PTPRD: variants seen among roughly 807,000 people sequenced by gnomAD.
PTPRD encodes receptor-type tyrosine-protein phosphatase delta.
PTPRD carries 34 observed loss-of-function variants against 214.5 expected under a neutral mutation model. The observed-to-expected ratio is 0.16, with a 90% CI of 0.12 to 0.21. The LOEUF (loss-of-function observed/expected upper bound fraction) is 0.21. Among genes scored for constraint, PTPRD ranks in the 10% least tolerant of loss-of-function variants. The pLI, the probability that PTPRD is intolerant of heterozygous loss-of-function variation, is 1.00. For synonymous variants in PTPRD, 1,128 were observed against 845.7 expected (o/e 1.33, Z -5.79); for missense variants, 2,545 against 2,398.7 (o/e 1.06, Z -1.27).
intron 10 of PTPRD, among the ~76,000 whole-genome samples, chr9:9,100,978 G>C (rs1395763628): frequency 6.6e-6 from 1 of 151,308 alleles, no homozygotes; most frequent in Non-Finnish European, 1.5e-5. Context: ...TGTGAAAGCA[G>C]ATTTATTTTG....
At chr9:9,224,564 G>A (rs1283244828) in intron 9 of PTPRD, among the ~76,000 whole-genome samples, 4 of 151,786 alleles carry the variant, frequency 2.6e-5, no homozygotes. Context: ...GTGAAAATTG[G>A]AAAATTTAAA....
At chr9:8,515,380 T>G (rs1376240336) in intron 21 of PTPRD, among the ~76,000 whole-genome samples, 1 of 152,200 alleles carries the variant, frequency 6.6e-6, no homozygotes, top group Admixed American at 6.5e-5. Context: ...GTTTTACATA[T>G]TAAGTTACAA....
chr9:8,863,636 A>G (rs1410104488), intron 11 of PTPRD, among the ~76,000 whole-genome samples: 11 of 152,184 alleles, frequency 7.2e-5, no homozygotes, highest in Non-Finnish European at 1.5e-4. Flanking sequence ...TATTTAGTAT[A>G]AACATTTTGA....
intron 5 of PTPRD, among the ~76,000 whole-genome samples, chr9:9,775,954 CAAAAAA>C (rs59412193): frequency 6.9e-5 from 2 of 28,924 alleles, no homozygotes; most frequent in African/African-American, 2.9e-4. Flanking sequence ...GACTCTGTCT[CAAAAAA>C]AAAAAAAAAA....
chr9:9,257,350 A>G (rs1038143309), intron 9 of PTPRD, among the ~76,000 whole-genome samples: 1 of 151,978 alleles, frequency 6.6e-6, no homozygotes, highest in Non-Finnish European at 1.5e-5. Flanking sequence ...GTAGTTTCAT[A>G]AACTATATGA....
intron 5 of PTPRD, among the ~76,000 whole-genome samples, chr9:9,916,192 T>A (rs2080747916): frequency 6.6e-6 from 1 of 151,816 alleles, no homozygotes; most frequent in Admixed American, 6.6e-5. Context: ...CTAAGGGAAC[T>A]CATTACTACT....
intron 9 of PTPRD, among the ~76,000 whole-genome samples, chr9:9,253,051 G>T (rs905580624): frequency 6.6e-6 from 1 of 152,046 alleles, no homozygotes; most frequent in African/African-American, 2.4e-5. Context: ...TAGAATAATT[G>T]TGAAATTTTA....
intron 7 of PTPRD, among the ~76,000 whole-genome samples, chr9:9,595,634 G>T (rs935030557): frequency 6.6e-6 from 1 of 151,544 alleles, no homozygotes; most frequent in African/African-American, 2.4e-5. Context: ...TGAATTAATG[G>T]CCTTTGCCGC....
At chr9:10,281,930 G>C (rs561171446) in intron 3 of PTPRD, among the ~76,000 whole-genome samples, 1 of 151,350 alleles carries the variant, frequency 6.6e-6, no homozygotes, top group Admixed American at 6.6e-5. Context: ...AAATTCCTGA[G>C]CTTATCTTTC....
intron 11 of PTPRD, among the ~76,000 whole-genome samples, chr9:8,833,070 T>C (rs1236016011): frequency 6.6e-6 from 1 of 152,128 alleles, no homozygotes; most frequent in African/African-American, 2.4e-5. Context: ...CCCAGAAATC[T>C]TAATAACAGC....
At chr9:8,651,466 T>A (rs72700318) in intron 12 of PTPRD, among the ~76,000 whole-genome samples, 14,044 of 152,210 alleles carry the variant, frequency 0.092, 792 homozygotes, top group South Asian at 0.12. Context: ...TAGGGTACGA[T>A]TCCTTGGTTT....
chr9:10,388,558 T>C (rs1586923892), intron 2 of PTPRD, among the ~76,000 whole-genome samples: 1 of 151,284 alleles, frequency 6.6e-6, no homozygotes, highest in East Asian at 2.0e-4. Flanking sequence ...CATTTTGAAG[T>C]AATTTATATT....
chr9:9,082,941 A>G (rs967224762), intron 10 of PTPRD, among the ~76,000 whole-genome samples: 5 of 152,226 alleles, frequency 3.3e-5, no homozygotes, highest in Admixed American at 2.6e-4. Flanking sequence ...GCTCATGGAT[A>G]GGAAGAATCA....
chr9:8,812,434 T>G (rs151243934), intron 11 of PTPRD, among the ~76,000 whole-genome samples: 3 of 152,210 alleles, frequency 2.0e-5, no homozygotes, highest in Non-Finnish European at 1.5e-5. Context: ...AAGAATCCCC[T>G]GCTTTGGTAA....
chr9:10,574,602 G>A (rs569609733), intron 2 of PTPRD, among the ~76,000 whole-genome samples: 2 of 151,876 alleles, frequency 1.3e-5, no homozygotes, highest in Non-Finnish European at 2.9e-5. Flanking sequence ...TACATTTGTG[G>A]GTTAATGTTC....
chr9:8,720,168 G>A (rs1157183296), intron 12 of PTPRD, among the ~76,000 whole-genome samples: 1 of 152,208 alleles, frequency 6.6e-6, no homozygotes, highest in Non-Finnish European at 1.5e-5. Flanking sequence ...GACTCTGGCT[G>A]GAATGCCAAG....
intron 9 of PTPRD, among the ~76,000 whole-genome samples, chr9:9,320,581 A>C (rs530048916): frequency 6.6e-6 from 1 of 152,068 alleles, no homozygotes; most frequent in African/African-American, 2.4e-5. Context: ...TCTGAGGAAA[A>C]CTACCCTTCC....
chr9:9,458,139 T>C (rs1045475316), intron 8 of PTPRD, among the ~76,000 whole-genome samples: 1 of 152,022 alleles, frequency 6.6e-6, no homozygotes, highest in Non-Finnish European at 1.5e-5. Flanking sequence ...ATACAATGTT[T>C]TCAGAGCATA....
In PTPRD at chr9:8,316,225, T is replaced by A. The variant is rs1311181888; in HGVS notation, c.*1649A>T. On this transcript the variant is annotated 3_prime_UTR_variant, in exon 46 of 46. Coordinates refer to ENST00000381196, the MANE Select transcript of PTPRD (RefSeq NM_002839.4). ...TAGGAATGCATATTATTCAAAGAGT[T>A]TTTGTACATGTGGTAAACAGATAAT... 4.4e-6 allele frequency: 1 copy of A among 229,814 alleles called. No homozygotes were observed. The highest frequency in any genetic ancestry group is 5.7e-5 in the Admixed American group (1 of 17,614). 14.2% of individuals were successfully genotyped at this position (229,814 alleles called of 1,614,324 possible).
Sources: allele counts gnomAD v4.1 joint callset (sites outside exome capture counted in the v4.1 genomes callset), GRCh38; gene constraint gnomAD v4.1.1; transcripts MANE v1.5; gene names NCBI Gene and HGNC (gene_info 2026-07-23, HGNC 2026-07-21).